FRMD3: variants seen among roughly 807,000 people sequenced by gnomAD.
The protein encoded by FRMD3 is FERM domain containing 3, also known as FERM domain-containing protein 3.
A neutral mutation model predicts 70.2 loss-of-function variants in FRMD3; 33 were observed. That is an observed-to-expected ratio of 0.47 (90% CI 0.36 to 0.63). The LOEUF is 0.63. Ranked by LOEUF, FRMD3 falls within the 20% of genes least tolerant of loss-of-function variation. The pLI, the probability that FRMD3 is intolerant of heterozygous loss-of-function variation, is 0.00. For missense variants in FRMD3, 632 were observed against 711.4 expected (o/e 0.89, Z 1.27); for synonymous variants, 279 against 255.9 (o/e 1.09, Z -0.86).
intron 6 of FRMD3, among the ~76,000 whole-genome samples, chr9:83,324,437 GT>G (rs1835931218): frequency 6.6e-6 from 1 of 152,044 alleles, no homozygotes. Flanking sequence ...GATCATGGAT[GT>G]TTTTTCAATT....
intron 10 of FRMD3, among the ~76,000 whole-genome samples, chr9:83,306,132 T>C (rs535457128): frequency 6.6e-6 from 1 of 152,278 alleles, no homozygotes; most frequent in African/African-American, 2.4e-5. Context: ...GTGCGTGAAA[T>C]AGCAAATGAA....
At chr9:83,310,352 A>G in intron 9 of FRMD3, 133 bp downstream of exon 9, 1 of 756,614 alleles carries the variant, frequency 1.3e-6, no homozygotes, top group Middle Eastern at 2.3e-4. Flanking sequence ...TATTTTTAGC[A>G]TATAGCTTTC....
intron 5 of FRMD3, among the ~76,000 whole-genome samples, chr9:83,337,681 G>A (rs1414784663): frequency 6.6e-6 from 1 of 152,168 alleles, no homozygotes; most frequent in African/African-American, 2.4e-5. Flanking sequence ...GAGTGCATCT[G>A]AAAAATTACA....
chr9:83,408,901 G>A (rs1426196073), intron 1 of FRMD3, among the ~76,000 whole-genome samples: 2 of 152,180 alleles, frequency 1.3e-5, no homozygotes, highest in Non-Finnish European at 1.5e-5. Flanking sequence ...TTTGGAAATG[G>A]ATTTCCCATT....
chr9:83,251,817 G>A (rs978583955), intron 13 of FRMD3, among the ~76,000 whole-genome samples: 1 of 152,152 alleles, frequency 6.6e-6, no homozygotes, highest in African/African-American at 2.4e-5. Context: ...CAAGAATAGA[G>A]TAAAAGGAAT....
At chr9:83,331,802 T>C in intron 6 of FRMD3, 1 of 716,322 alleles carries the variant, frequency 1.4e-6, no homozygotes, top group African/African-American at 1.7e-5. Flanking sequence ...AGTCAATGAG[T>C]TGTGAGGGCC....
At chr9:83,435,873 G>A (rs181530911) in intron 1 of FRMD3, among the ~76,000 whole-genome samples, 1 of 152,242 alleles carries the variant, frequency 6.6e-6, no homozygotes, top group African/African-American at 2.4e-5. Flanking sequence ...CTGCCCTAGT[G>A]ACTTTAACAT....
At chr9:83,389,782 C>T in intron 1 of FRMD3, 74 bp from the exon 2 acceptor site, 1 of 980,698 alleles carries the variant, frequency 1.0e-6, no homozygotes, top group Non-Finnish European at 1.6e-6. Flanking sequence ...GCCTTGTTCA[C>T]CACCATGGGT....
chr9:83,339,100 C>T (rs1374299673), intron 5 of FRMD3, among the ~76,000 whole-genome samples: 1 of 152,026 alleles, frequency 6.6e-6, no homozygotes, highest in African/African-American at 2.4e-5. Context: ...TTCAGGGTGC[C>T]CTTTTCTTTC....
chr9:83,285,584 G>T (rs1382636221), intron 13 of FRMD3, among the ~76,000 whole-genome samples: 1 of 152,146 alleles, frequency 6.6e-6, no homozygotes, highest in Non-Finnish European at 1.5e-5. Context: ...AGACACCAGT[G>T]ATCTTCATTG....
chr9:83,455,852 CAGAT>C (rs1465175315), intron 1 of FRMD3, among the ~76,000 whole-genome samples: 1 of 152,064 alleles, frequency 6.6e-6, no homozygotes, highest in Non-Finnish European at 1.5e-5. Flanking sequence ...ATGTAGACAG[CAGAT>C]AGAGTTCACA....
intron 13 of FRMD3, among the ~76,000 whole-genome samples, chr9:83,272,927 G>A (rs1235826126): frequency 4.6e-5 from 7 of 150,978 alleles, no homozygotes; most frequent in African/African-American, 1.7e-4. Context: ...TGAGAAGTGA[G>A]GAGCCCCTCC....
intron 1 of FRMD3, among the ~76,000 whole-genome samples, chr9:83,450,347 GTTTTTTT>G (rs763340189): frequency 6.3e-5 from 7 of 111,580 alleles, no homozygotes; most frequent in East Asian, 2.6e-4. Context: ...GTCACCCTCA[GTTTTTTT>G]TTTTTTTTTT....
At chr9:83,352,110 G>T (rs1046124519) in intron 3 of FRMD3, among the ~76,000 whole-genome samples, 2 of 152,006 alleles carry the variant, frequency 1.3e-5, no homozygotes, top group East Asian at 1.9e-4. Context: ...CCTTTTAATT[G>T]TCATTTAGGT....
At chr9:83,484,997 A>G (rs1828655303) in intron 1 of FRMD3, among the ~76,000 whole-genome samples, 2 of 152,250 alleles carry the variant, frequency 1.3e-5, no homozygotes, top group Non-Finnish European at 2.9e-5. Context: ...TTCCATGTGT[A>G]CTGGAGGTCT....
chr9:83,367,533 A>G (rs1587779789), intron 3 of FRMD3, among the ~76,000 whole-genome samples: 1 of 152,152 alleles, frequency 6.6e-6, no homozygotes, highest in African/African-American at 2.4e-5. Flanking sequence ...TGGTAAATTC[A>G]CCACGATTTT....
chr9:83,248,447 C>T lies in FRMD3; in HGVS notation c.1265G>A (p.Arg422Gln), dbSNP rs770065695. The change falls in exon 14 of 14, where the codon CGG (arginine) becomes CAG (glutamine). Residue 422 changes from arginine (R) to glutamine (Q), a missense_variant. Arg to Gln is a conservative substitution (Grantham distance 43). Transcript: ENST00000304195. Reference protein sequence around the residue: ...LISSSPVKAAREYEDPPSEEE... With the variant: ...LISSSPVKAAQEYEDPPSEEE... Reference sequence around the variant, plus strand: ...TTCACTAGGGGGATCTTCATACTCCCGGGCTGCCTTCACTGGGGAGCTGGA... The same window carrying T: ...TTCACTAGGGGGATCTTCATACTCCTGGGCTGCCTTCACTGGGGAGCTGGA... 29 of 1,613,868 alleles carry T rather than the reference C, an allele frequency of 1.8e-5. No homozygotes were observed. The highest frequency in any genetic ancestry group is 1.7e-4 in the African/African-American group (13 of 74,922).
chr9:83,382,005 T>G (rs573474834), intron 2 of FRMD3, among the ~76,000 whole-genome samples: 1 of 152,172 alleles, frequency 6.6e-6, no homozygotes, highest in East Asian at 1.9e-4. Context: ...CAAGAAATCT[T>G]TAATAGACAC....
chr9:83,575,851 C>T, the FRMD3 span, among the ~76,000 whole-genome samples: 1 of 152,114 alleles, frequency 6.6e-6, no homozygotes, highest in East Asian at 1.9e-4. Context: ...CAATTTTTCA[C>T]ATACTCTTCT....
Sources: allele counts gnomAD v4.1 joint callset (sites outside exome capture counted in the v4.1 genomes callset), GRCh38; gene constraint gnomAD v4.1.1; transcripts MANE v1.5; gene names NCBI Gene and HGNC (gene_info 2026-07-23, HGNC 2026-07-21).